Variants in DNAH11 observed in about 807,000 individuals in gnomAD.
The protein encoded by DNAH11 is dynein axonemal heavy chain 11, also known as axonemal beta dynein heavy chain 11.
Under a neutral mutation model 526.0 loss-of-function variants are expected in DNAH11, and 442 were observed. The ratio of observed to expected loss-of-function variants is 0.84; its 90% CI spans 0.78 to 0.91. The LOEUF is 0.91. DNAH11 is among the 40% of genes least tolerant of loss of function. The pLI is 0.00. For synonymous variants in DNAH11, 2,461 were observed against 1,935.9 expected (o/e 1.27, Z -7.12); for missense variants, 6,989 against 5,448.7 (o/e 1.28, Z -8.90).
rs534817351 is a variant in DNAH11, at chr7:21,897,954, C to G, written c.13050-1382C>G. Reference sequence around the variant, plus strand: ...TCATTTTATTGCTTTCACTCTAACCCTTTACCTCTTTATTTCCATTTGTTT... The same window carrying G: ...TCATTTTATTGCTTTCACTCTAACCGTTTACCTCTTTATTTCCATTTGTTT... On this transcript the variant is annotated intron_variant, in intron 79 of 81. Coordinates refer to ENST00000409508, the MANE Select transcript of DNAH11 (RefSeq NM_001277115.2). Among the ~76,000 whole-genome samples, 63 of 152,290 alleles carry G rather than the reference C, an allele frequency of 4.1e-4. 1 individual carries two copies. The South Asian group carries it at 0.013, about 31-fold the overall frequency.
intron 54 of DNAH11, among the ~76,000 whole-genome samples, chr7:21,751,714 C>A (rs570586317): frequency 2.0e-4 from 30 of 152,294 alleles, no homozygotes; most frequent in African/African-American, 7.2e-4. Context: ...CATTAAGTTT[C>A]TCCAACATTC....
Position 21,743,733 on chromosome 7 carries a change from G to T in DNAH11, c.8155-705G>T, listed in dbSNP as rs1786022974. Among the ~76,000 whole-genome samples, 4 of 152,150 alleles carry T rather than the reference G, an allele frequency of 2.6e-5. No homozygotes were observed. The South Asian group carries it at 8.3e-4, about 32-fold the overall frequency. On this transcript the variant is annotated intron_variant, in intron 49 of 81. Transcript: ENST00000409508. Reference sequence around the variant, plus strand: ...CAGAATTTTAATCTCAGAAGGAAAGGGAAGAGAGGTCATAGGTGAAATGGG... The same window carrying T: ...CAGAATTTTAATCTCAGAAGGAAAGTGAAGAGAGGTCATAGGTGAAATGGG...
chr7:21,562,667 T>C (rs1783515375), intron 5 of DNAH11, among the ~76,000 whole-genome samples: 1 of 152,154 alleles, frequency 6.6e-6, no homozygotes, highest in Non-Finnish European at 1.5e-5. Context: ...TCACCACACA[T>C]GCTGATCACA....
chr7:21,884,404 A>C lies in DNAH11; in HGVS notation c.12501A>C (p.Pro4167=). Residue 4167 remains proline, a synonymous_variant, in exon 76 of 82, where the codon CCA becomes CCC. Transcript: ENST00000409508. ...TGTATTTAGAAGAATTCATGAATCC[A>C]TCTCTGGTAAGACATTTGTAAATTA... ...CRVYLEEFMN[P]SLTEDELMLA... 6.2e-7 allele frequency: 1 copy of C among 1,603,266 alleles called. No individual in the cohort carries two copies. Among genetic ancestry groups the C allele is most frequent in the Non-Finnish European group, 8.5e-7 (1 of 1,175,740 alleles).
intron 32 of DNAH11, among the ~76,000 whole-genome samples, chr7:21,686,182 T>C (rs1479057636): frequency 1.3e-5 from 2 of 152,236 alleles, no homozygotes; most frequent in African/African-American, 4.8e-5. Flanking sequence ...TTAAGGCATT[T>C]ACCTTTGGCC....
Position 21,704,424 on chromosome 7 carries a change from T to A in DNAH11, c.6274-10T>A. On this transcript the variant is annotated splice_polypyrimidine_tract_variant and intron_variant, in intron 37 of 81. Coordinates refer to ENST00000409508, the MANE Select transcript of DNAH11 (RefSeq NM_001277115.2). ...GTATTGGCTTTTTTATAAAATGTTT[T>A]TTTTTCTAGGTACTCATGAGAGCAT... 6.2e-7 allele frequency: 1 copy of A among 1,603,442 alleles called. No homozygotes were observed. Among genetic ancestry groups the A allele is most frequent in the Non-Finnish European group, 8.5e-7 (1 of 1,175,270 alleles).
rs964116388 is a variant in DNAH11, at chr7:21,711,170, C to T, written c.6834+467C>T. Reference sequence around the variant, plus strand: ...CATTCCCAGCAAAAACAAAAGGTGACGGTACAGGTCTGTGAGATATCAGTC... The same window carrying T: ...CATTCCCAGCAAAAACAAAAGGTGATGGTACAGGTCTGTGAGATATCAGTC... On this transcript the variant is annotated intron_variant, in intron 41 of 81. Transcript: ENST00000409508. Among the ~76,000 whole-genome samples, 8 of 152,214 alleles carry T rather than the reference C, an allele frequency of 5.3e-5. 1 individual carries two copies. The highest frequency in any genetic ancestry group is 6.8e-3 in the Middle Eastern group (2 of 294).
Position 21,773,906 on chromosome 7 carries a change from T to A in DNAH11, c.9243T>A (p.Phe3081Leu), listed in dbSNP as rs367808905. Residue 3081 changes from phenylalanine (F) to leucine (L), a missense_variant, in exon 56 of 82, where the codon TTT becomes TTA. Transcript: ENST00000409508. Reference protein sequence around the residue: ...PKSFLEQISLFKNLLKKKQNE... With the variant: ...PKSFLEQISLLKNLLKKKQNE... ...GTTTTCTAGAACAAATATCACTGTT[T>A]AAGAACCTGTTGAAGAAGAAGCAAA... is the stretch of plus-strand genomic sequence containing the variant. The A allele has an allele frequency of 1.2e-6, 2 of 1,601,644 alleles. No individual in the cohort carries two copies. The highest frequency in any genetic ancestry group is 2.3e-5 in the South Asian group (2 of 88,570).
intron 30 of DNAH11, among the ~76,000 whole-genome samples, chr7:21,662,892 G>A (rs920568110): frequency 1.3e-5 from 2 of 152,014 alleles, no homozygotes; most frequent in Admixed American, 6.6e-5. Flanking sequence ...CGTTGAATTC[G>A]TAATGGTGAA....
chr7:21,883,394 T>C (rs972285476), intron 75 of DNAH11, among the ~76,000 whole-genome samples: 2 of 152,172 alleles, frequency 1.3e-5, no homozygotes, highest in African/African-American at 4.8e-5. Context: ...AAAGAGTAGG[T>C]ACAGTGATTT....
At chr7:21,589,873 C>T (rs528481322) in intron 12 of DNAH11, among the ~76,000 whole-genome samples, 13 of 152,208 alleles carry the variant, frequency 8.5e-5, no homozygotes, top group East Asian at 5.8e-4. Flanking sequence ...ATGAAAGACA[C>T]GTCACGTTTT....
At chr7:21,880,518 C>T (rs577699701) in intron 74 of DNAH11, among the ~76,000 whole-genome samples, 184 bp from the exon 75 acceptor site, 1 of 152,352 alleles carries the variant, frequency 6.6e-6, no homozygotes, top group South Asian at 2.1e-4. Flanking sequence ...TCCTCTTAAG[C>T]CAACAGACTG....
intron 6 of DNAH11, among the ~76,000 whole-genome samples, chr7:21,566,242 A>G (rs1212957925): frequency 6.6e-6 from 1 of 152,156 alleles, no homozygotes; most frequent in Non-Finnish European, 1.5e-5. Context: ...TTCAACAGCC[A>G]GAGTCTGCCA....
chr7:21,846,941 T>G (rs974333575), intron 66 of DNAH11, among the ~76,000 whole-genome samples: 4 of 152,226 alleles, frequency 2.6e-5, no homozygotes, highest in Non-Finnish European at 5.9e-5. Flanking sequence ...CTCCAAAGTT[T>G]CAGTTCACTT....
chr7:21,660,342 C>T (rs1782191986), intron 30 of DNAH11, among the ~76,000 whole-genome samples: 1 of 151,984 alleles, frequency 6.6e-6, no homozygotes, highest in African/African-American at 2.4e-5. Flanking sequence ...TTTCAGCTAT[C>T]CTCAATCACT....
intron 42 of DNAH11, among the ~76,000 whole-genome samples, chr7:21,712,944 T>C (rs1182093723): frequency 6.6e-6 from 1 of 152,192 alleles, no homozygotes; most frequent in African/African-American, 2.4e-5. Context: ...ATTTGTTGAG[T>C]AAGTGAATAA....
chr7:21,632,965 A>T (rs1245858846), intron 25 of DNAH11, among the ~76,000 whole-genome samples: 1 of 152,210 alleles, frequency 6.6e-6, no homozygotes, highest in South Asian at 2.1e-4. Context: ...TATTGGACAT[A>T]CAGTTCCATG....
intron 68 of DNAH11, among the ~76,000 whole-genome samples, chr7:21,855,393 G>A (rs1583777463): frequency 6.6e-6 from 1 of 151,868 alleles, no homozygotes; most frequent in South Asian, 2.1e-4. Context: ...AATATGTCTT[G>A]GAAAGAGAAT....
chr7:21,694,342 C>T (rs768903844), intron 35 of DNAH11, among the ~76,000 whole-genome samples: 74 of 152,232 alleles, frequency 4.9e-4, no homozygotes, highest in Non-Finnish European at 8.5e-4. Flanking sequence ...AATGATCTCC[C>T]TCCTCTTGCC....
Sources: gnomAD v4.1 joint callset for allele counts (sites outside exome capture counted in the v4.1 genomes callset) on GRCh38, gnomAD v4.1.1 for gene constraint, MANE v1.5 for transcripts, NCBI Gene and HGNC (gene_info 2026-07-23, HGNC 2026-07-21) for gene names.